The following CEP162 variants were observed in gnomAD, a reference collection of about 807,000 sequenced individuals.
The protein encoded by CEP162 is centrosomal protein of 162 kDa.
In CEP162, 141 loss-of-function variants were observed where a neutral mutation model predicts 169.2. The ratio of observed to expected loss-of-function variants is 0.83; its 90% CI spans 0.73 to 0.96. The LOEUF (loss-of-function observed/expected upper bound fraction) is 0.96, where lower values mean the gene tolerates loss of function less well. CEP162 is among the 40% of genes least tolerant of loss of function. The probability of loss-of-function intolerance (pLI) is 0.00; values close to 1 mark genes in which losing one functional copy is unlikely to be tolerated. For missense variants in CEP162, 1,600 were observed against 1,587.2 expected (o/e 1.01, Z -0.14); for synonymous variants, 540 against 526.4 (o/e 1.03, Z -0.35).
At chr6:84,134,703 G>A (rs913304735) in intron 25 of CEP162, among the ~76,000 whole-genome samples, 1 of 152,144 alleles carries the variant, frequency 6.6e-6, no homozygotes, top group African/African-American at 2.4e-5. Flanking sequence ...CCAATGAGAT[G>A]AGCCAGGTAC....
At chr6:84,165,249 C>A (rs1029912118) in intron 18 of CEP162, among the ~76,000 whole-genome samples, 1 of 152,010 alleles carries the variant, frequency 6.6e-6, no homozygotes, top group Non-Finnish European at 1.5e-5. Context: ...CACTCATCAC[C>A]ACCTGACATA....
chr6:84,214,331 C>T (rs774587690), intron 5 of CEP162, among the ~76,000 whole-genome samples: 3 of 152,180 alleles, frequency 2.0e-5, no homozygotes, highest in Non-Finnish European at 2.9e-5. Context: ...GTAACACAGC[C>T]CATTGTGTGT....
intron 25 of CEP162, among the ~76,000 whole-genome samples, chr6:84,140,491 C>T (rs555893473): frequency 4.7e-4 from 71 of 152,128 alleles, no homozygotes; most frequent in Non-Finnish European, 7.1e-4. Context: ...AGGAAGCCTC[C>T]GGCAACCATG....
intron 25 of CEP162, among the ~76,000 whole-genome samples, chr6:84,126,822 T>C (rs1224681414): frequency 6.7e-6 from 1 of 149,370 alleles, no homozygotes; most frequent in Non-Finnish European, 1.5e-5. Context: ...CTACAAGGTA[T>C]TGTTAGTAAG....
intron 4 of CEP162, 21 bp downstream of exon 4, chr6:84,215,755 C>A: frequency 6.4e-7 from 1 of 1,568,228 alleles, no homozygotes; most frequent in South Asian, 1.2e-5. Flanking sequence ...TTTACCAACT[C>A]ATATCCCTTG....
intron 18 of CEP162, among the ~76,000 whole-genome samples, chr6:84,163,720 C>T (rs1158327680): frequency 2.0e-5 from 3 of 151,876 alleles, no homozygotes; most frequent in Non-Finnish European, 4.4e-5. Context: ...AATCTCAGTA[C>T]TTTGGGAGGC....
rs573040243 is a variant in CEP162 at position 84,131,780 on chromosome 6, T to C, written c.3871-5268A>G. Among the ~76,000 whole-genome samples the C allele has an allele frequency of 3.4e-3, 515 of 152,304 alleles. 2 individuals are homozygous for C. The highest frequency in any genetic ancestry group is 0.012 in the African/African-American group (492 of 41,574). On this transcript the variant is annotated intron_variant, in intron 25 of 26. Transcript: ENST00000403245. Reference sequence around the variant, plus strand: ...TCCTGAATACAGCACACTGATGGGTTTTGACTCTTTATCCAGTTTGCCAGT... The same window carrying C: ...TCCTGAATACAGCACACTGATGGGTCTTGACTCTTTATCCAGTTTGCCAGT...
At chr6:84,145,892 TAC>T (rs2099518642) in intron 25 of CEP162, among the ~76,000 whole-genome samples, 1 of 152,106 alleles carries the variant, frequency 6.6e-6, no homozygotes, top group African/African-American at 2.4e-5. Flanking sequence ...GAAATTAGTA[TAC>T]AGACTACTCC....
chr6:84,154,322 A>ATCTG lies in CEP162; in HGVS notation c.2994+975_2994+976insCAGA, dbSNP rs1250658122. ...GACATGTTATCAGGGATATCTATCT[A>ATCTG]TCTATCTATCTGTCTGTCTGTCTGT... On this transcript the variant is annotated intron_variant, in intron 22 of 26. Transcript: ENST00000403245. Among the ~76,000 whole-genome samples the ATCTG allele has an allele frequency of 2.8e-3, 373 of 134,858 alleles. 3 individuals carry two copies. Among genetic ancestry groups the ATCTG allele is most frequent in the African/African-American group, 0.013 (358 of 26,848 alleles). The allele number at this position is 134,858 out of a possible 152,430, so 88.5% of individuals were successfully genotyped here.
intron 25 of CEP162, among the ~76,000 whole-genome samples, chr6:84,134,999 GCATA>G (rs770883412): frequency 1.3e-5 from 2 of 150,290 alleles, no homozygotes; most frequent in African/African-American, 4.9e-5. Context: ...TCATATGCAT[GCATA>G]CATACATACA....
Position 84,124,919 on chromosome 6 carries a change from T to C in CEP162, c.*151A>G. ...CATTATATGTTTTTTTTCTTATTGGTTAAAGGCAATTTATTTTGAAATGTT... is the reference window on the plus strand; with the variant it reads ...CATTATATGTTTTTTTTCTTATTGGCTAAAGGCAATTTATTTTGAAATGTT... On this transcript the variant is annotated 3_prime_UTR_variant, in exon 27 of 27. Transcript: ENST00000403245. 1 of 672,272 alleles carries C rather than the reference T, an allele frequency of 1.5e-6. No homozygotes were observed. Among genetic ancestry groups the C allele is most frequent in the Non-Finnish European group, 2.6e-6 (1 of 391,960 alleles). 41.6% of individuals were successfully genotyped at this position (672,272 alleles called of 1,614,324 possible).
In CEP162 at chr6:84,185,237, T is replaced by C. The variant is rs1467868735; in HGVS notation, c.1613A>G (p.Lys538Arg). 6.2e-7 allele frequency: 1 copy of C among 1,613,554 alleles called. No homozygotes were observed. The highest frequency in any genetic ancestry group is 8.5e-7 in the Non-Finnish European group (1 of 1,179,560). The change falls in exon 13 of 27, where the codon AAA (lysine) becomes AGA (arginine). Residue 538 changes from lysine (K) to arginine (R), a missense_variant. Transcript: ENST00000403245. ...LEKKTSEDII[K>R]SKNLRSISTS... ...AGAAATCGATCTCAAGTTTTTGCTT[T>C]TTATAATGTCCTCTGAAGTTTTCTT...
chr6:84,209,954 A>C (rs2099548799), intron 6 of CEP162, among the ~76,000 whole-genome samples: 1 of 152,180 alleles, frequency 6.6e-6, no homozygotes, highest in South Asian at 2.1e-4. Flanking sequence ...AAGAAAAGGA[A>C]AACAGCACAT....
Position 84,200,846 on chromosome 6 carries a change from T to C in CEP162, c.778A>G (p.Ile260Val). 6.2e-7 allele frequency: 1 copy of C among 1,612,540 alleles called. No individual in the cohort carries two copies. The highest frequency in any genetic ancestry group is 1.1e-5 in the South Asian group (1 of 91,002). ...GGTAGGCACCTTGGCTTAGGTGTTA[T>C]TTTATCTTGTTCATCAAGATTGACC... The part of the protein sequence containing the change: ...AEVNLDEQDK[I>V]TPKPRCLPEM... Residue 260 changes from isoleucine to valine, a missense_variant, in exon 9 of 27, where the codon ATA (isoleucine) becomes GTA (valine). Transcript: ENST00000403245.
intron 25 of CEP162, among the ~76,000 whole-genome samples, chr6:84,144,311 T>C (rs900254747): frequency 6.6e-6 from 1 of 152,048 alleles, no homozygotes; most frequent in Non-Finnish European, 1.5e-5. Flanking sequence ...GTTCCAGAAG[T>C]TGTATACAAT....
At chr6:84,173,931 C>A in intron 16 of CEP162, 117 bp downstream of exon 16, 1 of 743,546 alleles carries the variant, frequency 1.3e-6, no homozygotes, top group Non-Finnish European at 2.1e-6. Flanking sequence ...GTGATCCGCC[C>A]ACCTCATCCT....
chr6:84,198,446 T>C (rs1270917476), intron 9 of CEP162, among the ~76,000 whole-genome samples: 1 of 152,028 alleles, frequency 6.6e-6, no homozygotes, highest in Non-Finnish European at 1.5e-5. Context: ...CCTGGCTAAT[T>C]TTCTGTATTT....
At chr6:84,179,632 G>A (rs957520921) in intron 13 of CEP162, among the ~76,000 whole-genome samples, 2 of 151,894 alleles carry the variant, frequency 1.3e-5, no homozygotes, top group Admixed American at 1.3e-4. Context: ...TCACTCTAAT[G>A]GTAGTTTCTT....
intron 17 of CEP162, among the ~76,000 whole-genome samples, chr6:84,170,937 C>G (rs766022525): frequency 2.6e-5 from 4 of 152,144 alleles, no homozygotes; most frequent in African/African-American, 7.2e-5. Context: ...GCCCCTGACC[C>G]GGCATAAAGG....
Sources: gnomAD v4.1 joint callset for allele counts (sites outside exome capture counted in the v4.1 genomes callset) on GRCh38, gnomAD v4.1.1 for gene constraint, MANE v1.5 for transcripts, NCBI Gene and HGNC (gene_info 2026-07-23, HGNC 2026-07-21) for gene names.